The following ANO5 variants were observed in gnomAD, a reference collection of about 807,000 sequenced individuals.
ANO5 encodes anoctamin 5.
In ANO5, 109 loss-of-function variants were observed where a neutral mutation model predicts 121.0. The observed-to-expected ratio is 0.90, with a 90% confidence interval of 0.77 to 1.06. The LOEUF is 1.06. ANO5 is among the 50% of genes least tolerant of loss of function. The pLI, the probability that ANO5 is intolerant of heterozygous loss-of-function variation, is 0.00. For synonymous variants in ANO5, 406 were observed against 359.9 expected (o/e 1.13, Z -1.45); for missense variants, 1,064 against 1,078.5 (o/e 0.99, Z 0.19).
chr11:22,255,303 A>T, intron 12 of ANO5, 68 bp from the exon 13 acceptor site: 1 of 1,306,858 alleles, frequency 7.7e-7, no homozygotes, highest in Non-Finnish European at 1.0e-6. Flanking sequence ...CAAAGTAATT[A>T]AAGGGAAAAG....
chr11:22,223,236 ACGTTTTATTACAG>A (rs1852714623), intron 5 of ANO5, among the ~76,000 whole-genome samples: 1 of 151,960 alleles, frequency 6.6e-6, no homozygotes, highest in Non-Finnish European at 1.5e-5. Flanking sequence ...GCTTATGGAG[ACGTTTTATTACAG>A]TGAAATGATA....
intron 12 of ANO5, among the ~76,000 whole-genome samples, chr11:22,251,979 G>T (rs1319183217): frequency 7.8e-6 from 1 of 128,258 alleles, no homozygotes; most frequent in Non-Finnish European, 1.6e-5. Context: ...GCAGTGAGCC[G>T]AGATTGTGCC....
At chr11:22,240,803 A>G (rs972679075) in intron 9 of ANO5, among the ~76,000 whole-genome samples, 11 of 79,800 alleles carry the variant, frequency 1.4e-4, no homozygotes, top group Admixed American at 1.3e-3. Context: ...ATAAAAAAGC[A>G]GAAACATTTT....
chr11:22,227,244 A>C, intron 6 of ANO5, 58 bp from the exon 7 acceptor site: 1 of 1,581,468 alleles, frequency 6.3e-7, no homozygotes, highest in Non-Finnish European at 8.7e-7. Context: ...TTATTTAATC[A>C]GCTCAATAAC....
chr11:22,250,839 C>T lies in ANO5; in HGVS notation c.1112C>T (p.Ala371Val). The change falls in exon 11 of 22, where the codon GCT (alanine) becomes GTT (valine). Residue 371 changes from alanine to valine, a missense_variant. Physicochemically the swap from Ala to Val is moderately conservative, Grantham distance 64. Coordinates refer to ENST00000324559, the MANE Select transcript of ANO5 (RefSeq NM_213599.3). ...TGGAGACTAAATAGTACGTGTTTGG[C>T]TTCAAAGGTATGTATGCATTGTAAC... ...DYWRLNSTCLASKFSHLFDNE... is the reference protein window; with the variant it reads ...DYWRLNSTCLVSKFSHLFDNE... The T allele has an allele frequency of 6.2e-7, 1 of 1,613,812 alleles. No homozygotes were observed. The highest frequency in any genetic ancestry group is 8.5e-7 in the Non-Finnish European group (1 of 1,179,782).
chr11:22,218,167 G>C, intron 3 of ANO5, 79 bp from the exon 4 acceptor site: 1 of 1,418,680 alleles, frequency 7.0e-7, no homozygotes, highest in East Asian at 2.6e-5. Flanking sequence ...CCAAGGGTTA[G>C]TTTGTCTTTG....
chr11:22,265,997 T>A (rs774304038), intron 17 of ANO5, among the ~76,000 whole-genome samples: 1 of 152,182 alleles, frequency 6.6e-6, no homozygotes, highest in Non-Finnish European at 1.5e-5. Flanking sequence ...AAACAATTCA[T>A]TGATGAAAGA....
intron 14 of ANO5, among the ~76,000 whole-genome samples, chr11:22,258,002 G>A (rs1854060081): frequency 1.3e-5 from 2 of 152,132 alleles, no homozygotes; most frequent in African/African-American, 4.8e-5. Flanking sequence ...CCTGCCTCAC[G>A]ACACTTCGTT....
intron 5 of ANO5, among the ~76,000 whole-genome samples, chr11:22,223,900 A>G (rs1852739985): frequency 6.6e-6 from 1 of 151,504 alleles, no homozygotes; most frequent in African/African-American, 2.4e-5. Context: ...CTTTTCAATT[A>G]TATATTAAAC....
rs1855142030 is a variant in ANO5 at position 22,283,321 on chromosome 11, A to T, written c.*3556A>T. ...TGTACATAAATCTCAAGAGAATCAAATTCACAGAGTGAATAAAGTAATAAT... is the reference window on the plus strand; with the variant it reads ...TGTACATAAATCTCAAGAGAATCAATTTCACAGAGTGAATAAAGTAATAAT... On this transcript the variant is annotated 3_prime_UTR_variant, in exon 22 of 22. Coordinates refer to ENST00000324559, the MANE Select transcript of ANO5 (RefSeq NM_213599.3). The T allele has an allele frequency of 6.6e-6, 1 of 152,238 alleles. No homozygotes were observed. 9.4% of individuals were successfully genotyped at this position (152,238 alleles called of 1,614,324 possible).
chr11:22,266,307 C>A (rs768507995), intron 17 of ANO5, among the ~76,000 whole-genome samples: 3 of 152,010 alleles, frequency 2.0e-5, no homozygotes, highest in African/African-American at 7.2e-5. Context: ...AGAGTATGCT[C>A]GTCTGTTTGA....
chr11:22,269,573 AAAAAAGAAAGAAAG>A (rs1854532607), intron 17 of ANO5, among the ~76,000 whole-genome samples: 1 of 146,958 alleles, frequency 6.8e-6, no homozygotes, highest in South Asian at 2.1e-4. Flanking sequence ...AAAGGAAAGA[AAAAAAGAAAGAAAG>A]AGAAAGAAAG....
At chr11:22,263,100 T>A (rs1043162803) in intron 17 of ANO5, 57 bp downstream of exon 17, 123 of 1,433,626 alleles carry the variant, frequency 8.6e-5, no homozygotes, top group Non-Finnish European at 1.2e-4. Flanking sequence ...ATATTTCCTC[T>A]AGAAGAAGAT....
At chr11:22,266,385 T>C (rs1452809436) in intron 17 of ANO5, among the ~76,000 whole-genome samples, 1 of 152,148 alleles carries the variant, frequency 6.6e-6, no homozygotes, top group Non-Finnish European at 1.5e-5. Flanking sequence ...TGTGTTTTGG[T>C]TTGAGTATAA....
Position 22,250,859 on chromosome 11 carries a change from T to A in ANO5, c.1119+13T>A, listed in dbSNP as rs751378809. 6.2e-7 allele frequency: 1 copy of A among 1,612,382 alleles called. No individual in the cohort carries two copies. The highest frequency in any genetic ancestry group is 8.5e-7 in the Non-Finnish European group (1 of 1,178,444). On this transcript the variant is annotated intron_variant, in intron 11 of 21. Coordinates refer to ENST00000324559, the MANE Select transcript of ANO5 (RefSeq NM_213599.3). The stretch of plus-strand genomic sequence containing the variant: ...TTTGGCTTCAAAGGTATGTATGCAT[T>A]GTAACATGTTGAAAAGACTTGGAAT...
Position 22,255,438 on chromosome 11 carries a change from C to T in ANO5, c.1248C>T (p.Asp416=), listed in dbSNP as rs748324965. 5.6e-6 allele frequency: 9 copies of T among 1,613,228 alleles called. No homozygotes were observed. In the South Asian group the frequency reaches 9.9e-5, roughly 18 times the overall value. Residue 416 remains aspartate (D), a synonymous_variant, in exon 13 of 22, where the codon GAC becomes GAT. Coordinates refer to ENST00000324559, the MANE Select transcript of ANO5 (RefSeq NM_213599.3). ...ARLEYEWDLV[D]FEEEQQQLQL... Reference sequence around the variant, plus strand: ...TGGAATATGAATGGGACCTGGTGGACTTTGAAGAGGAACAGCAGCAGCTTC... The same window carrying T: ...TGGAATATGAATGGGACCTGGTGGATTTTGAAGAGGAACAGCAGCAGCTTC...
Position 22,218,279 on chromosome 11 carries a change from C to T in ANO5, c.172C>T (p.Arg58Trp), listed in dbSNP as rs201725369. 125 of 1,613,322 alleles carry T rather than the reference C, an allele frequency of 7.7e-5. 3 individuals carry two copies. In the Middle Eastern group the frequency reaches 3.8e-3, roughly 49 times the overall value. Residue 58 changes from arginine (R) to tryptophan (W), a missense_variant, in exon 4 of 22, where the codon CGG (arginine) becomes TGG (tryptophan). Transcript: ENST00000324559. ...AKRFNLFLRR[R>W]LMFQKNQQSK... is the part of the protein sequence containing the mutation. ...GCGATTCAATTTGTTCCTGAGGCGGCGGCTTATGGTAAAACCAGTGCTGAA... is the reference window on the plus strand; with the variant it reads ...GCGATTCAATTTGTTCCTGAGGCGGTGGCTTATGGTAAAACCAGTGCTGAA...
At chr11:22,237,579 C>T (rs995510005) in intron 8 of ANO5, among the ~76,000 whole-genome samples, 7 of 151,866 alleles carry the variant, frequency 4.6e-5, no homozygotes, top group East Asian at 1.9e-4. Flanking sequence ...TTAGTAGAGA[C>T]GGGGTTTTGC....
Position 22,279,886 on chromosome 11 carries a change from T to A in ANO5, c.*121T>A. ...TTTCTTTTTTTTTTTTTTCTTTTTT[T>A]TTTTAAACTCAAAGTTTTTATACAC... is the stretch of plus-strand genomic sequence containing the variant. On this transcript the variant is annotated 3_prime_UTR_variant, in exon 22 of 22. Transcript: ENST00000324559. The A allele has an allele frequency of 1.1e-6, 1 of 900,610 alleles. No homozygotes were observed. The highest frequency in any genetic ancestry group is 1.7e-6 in the Non-Finnish European group (1 of 597,662). The allele number at this position is 900,610 out of a possible 1,614,324, so 55.8% of individuals were successfully genotyped here.
Sources: allele counts gnomAD v4.1 joint callset (sites outside exome capture counted in the v4.1 genomes callset), GRCh38; gene constraint gnomAD v4.1.1; transcripts MANE v1.5; gene names NCBI Gene and HGNC (gene_info 2026-07-23, HGNC 2026-07-21).